Variants in NOS1AP observed in about 807,000 individuals in gnomAD.
NOS1AP encodes the protein carboxyl-terminal PDZ ligand of neuronal nitric oxide synthase protein.
Under a neutral mutation model 56.2 loss-of-function variants are expected in NOS1AP, and 21 were observed. The observed-to-expected ratio is 0.37, with a 90% CI of 0.26 to 0.54. NOS1AP has a LOEUF of 0.54. Among genes scored for constraint, NOS1AP ranks in the 20% least tolerant of loss-of-function variants. NOS1AP has a pLI of 0.84. For missense variants in NOS1AP, 522 were observed against 657.8 expected, an observed-to-expected ratio of 0.79 and a Z score of 2.26; for synonymous variants, 270 against 274.6, an observed-to-expected ratio of 0.98 and a Z score of 0.17.
At chr1:162,234,122 A>T (rs576916163) in intron 2 of NOS1AP, among the ~76,000 whole-genome samples, 2 of 152,260 alleles carry the variant, frequency 1.3e-5, no homozygotes, top group East Asian at 3.9e-4. Flanking sequence ...GGCCCAGGAG[A>T]TGGGCAGAGT....
At chr1:162,240,867 G>A (rs1051281133) in intron 2 of NOS1AP, among the ~76,000 whole-genome samples, 12 of 152,304 alleles carry the variant, frequency 7.9e-5, no homozygotes, top group Non-Finnish European at 8.8e-5. Context: ...GTCTGATGGC[G>A]GGATACAGAC....
intron 2 of NOS1AP, among the ~76,000 whole-genome samples, chr1:162,274,447 G>A (rs1654678930): frequency 6.6e-6 from 1 of 152,144 alleles, no homozygotes; most frequent in Admixed American, 6.5e-5. Flanking sequence ...ACCTGCATGT[G>A]GCAACCCTAA....
chr1:162,220,327 T>G (rs1349429923), intron 2 of NOS1AP, among the ~76,000 whole-genome samples: 2 of 152,040 alleles, frequency 1.3e-5, no homozygotes, highest in African/African-American at 4.8e-5. Context: ...TCTGGGTGGG[T>G]GTCTGCTGTG....
At chr1:162,100,160 G>C (rs1451035742) in intron 1 of NOS1AP, among the ~76,000 whole-genome samples, 1 of 152,156 alleles carries the variant, frequency 6.6e-6, no homozygotes, top group Non-Finnish European at 1.5e-5. Flanking sequence ...TAATGGGATG[G>C]CTGGGTCAAA....
At chr1:162,070,800 TA>T (rs968407564) in intron 1 of NOS1AP, among the ~76,000 whole-genome samples, 2 of 152,322 alleles carry the variant, frequency 1.3e-5, no homozygotes, top group Admixed American at 6.5e-5. Context: ...AGTCACTTCC[TA>T]AATGGCTAAT....
chr1:162,172,866 T>C (rs1329992163), intron 2 of NOS1AP, among the ~76,000 whole-genome samples: 1 of 152,182 alleles, frequency 6.6e-6, no homozygotes, highest in Non-Finnish European at 1.5e-5. Flanking sequence ...GCAGCAAACT[T>C]CTCTGCCTGC....
intron 2 of NOS1AP, among the ~76,000 whole-genome samples, chr1:162,261,524 GAGAGAGAGAGAGAGAGAGAGA>G (rs1654233171): frequency 3.9e-5 from 1 of 25,428 alleles, no homozygotes; most frequent in Non-Finnish European, 1.1e-4. Flanking sequence ...GAGAGAGAGA[GAGAGAGAGAGAGAGAGAGAGA>G]GCAATGAAAT....
At chr1:162,297,709 G>GA (rs904694955) in intron 3 of NOS1AP, among the ~76,000 whole-genome samples, 21 of 150,670 alleles carry the variant, frequency 1.4e-4, no homozygotes, top group African/African-American at 3.2e-4. Context: ...AGTTTAAAAA[G>GA]AAAAAAAAAC....
chr1:162,103,089 CTT>C (rs1390604845), intron 1 of NOS1AP, among the ~76,000 whole-genome samples: 6 of 152,142 alleles, frequency 3.9e-5, no homozygotes, highest in Non-Finnish European at 8.8e-5. Flanking sequence ...AAATTTCCCT[CTT>C]AACACTGTTT....
In NOS1AP at chr1:162,367,344, CGA is replaced by C. The variant is rs1557896583; in HGVS notation, c.1400_1401del (p.Glu467ValfsTer35). Reference protein sequence around the residue: ...FRESGIASEYESNTDESEERD... With the variant: ...FRESGIASEYXSNTDESEERD... ...GAGAGTCAGGCATCGCCTCGGAGTA[CGA>C]GTCCAACACGGACGAGAGCGAGGAG... On this transcript the variant is annotated frameshift_variant, in exon 10 of 10. Coordinates refer to ENST00000361897, the MANE Select transcript of NOS1AP (RefSeq NM_014697.3). LOFTEE classifies it high-confidence loss of function. The surrounding 1 kb of genome is among the most constrained non-coding windows in gnomAD (Gnocchi z 6.5). The C allele has an allele frequency of 3.1e-6, 5 of 1,612,976 alleles. No individual in the cohort carries two copies. Among genetic ancestry groups the C allele is most frequent in the Non-Finnish European group, 4.2e-6 (5 of 1,179,834 alleles).
At chr1:162,280,676 T>G (rs1654895690) in intron 2 of NOS1AP, among the ~76,000 whole-genome samples, 1 of 152,234 alleles carries the variant, frequency 6.6e-6, no homozygotes, top group Non-Finnish European at 1.5e-5. Context: ...GAATATTTCT[T>G]TAAAAAGTAG....
At chr1:162,216,552 C>A (rs1652574114) in intron 2 of NOS1AP, among the ~76,000 whole-genome samples, 1 of 152,188 alleles carries the variant, frequency 6.6e-6, no homozygotes, top group South Asian at 2.1e-4. Flanking sequence ...GTACTTTAGG[C>A]AAGTCGCTGA....
intron 1 of NOS1AP, among the ~76,000 whole-genome samples, chr1:162,150,630 T>C (rs1270573770): frequency 6.6e-6 from 1 of 152,222 alleles, no homozygotes; most frequent in Non-Finnish European, 1.5e-5. Flanking sequence ...CATTTATTAT[T>C]GCCTGTCTTT....
chr1:162,281,053 C>T (rs1654909994), intron 2 of NOS1AP, among the ~76,000 whole-genome samples: 1 of 152,214 alleles, frequency 6.6e-6, no homozygotes, highest in African/African-American at 2.4e-5. Context: ...CATCTCACGA[C>T]CATCCCCCCA....
At chr1:162,347,245 G>C (rs1657327542) in intron 6 of NOS1AP, among the ~76,000 whole-genome samples, 2 of 152,198 alleles carry the variant, frequency 1.3e-5, no homozygotes, top group African/African-American at 4.8e-5. Context: ...ATGCCCCGTT[G>C]GTGGCCTGAT....
chr1:162,319,390 G>A (rs1368270578), intron 4 of NOS1AP, among the ~76,000 whole-genome samples: 1 of 151,890 alleles, frequency 6.6e-6, no homozygotes, highest in Non-Finnish European at 1.5e-5. Flanking sequence ...TACCAGCCAT[G>A]TGATCCCCCT....
intron 2 of NOS1AP, among the ~76,000 whole-genome samples, chr1:162,177,906 G>A (rs548499665): frequency 7.9e-5 from 12 of 152,202 alleles, no homozygotes; most frequent in Admixed American, 2.6e-4. Flanking sequence ...TGCATTCTGT[G>A]GGTTTGGACG....
At chr1:162,251,869 G>GTTTTTTTTTTTTTTTTTTTT (rs57313228) in intron 2 of NOS1AP, among the ~76,000 whole-genome samples, 4 of 82,126 alleles carry the variant, frequency 4.9e-5, no homozygotes, top group Non-Finnish European at 6.5e-5. Context: ...TTTTTTTTTT[G>GTTTTTTTTTTTTTTTTTTTT]TTTTTTTTTT....
chr1:162,111,570 G>A (rs1647712219), intron 1 of NOS1AP, among the ~76,000 whole-genome samples: 1 of 152,170 alleles, frequency 6.6e-6, no homozygotes. Context: ...TTGAGACCTG[G>A]CTTGATGGCA....
Sources: allele counts gnomAD v4.1 joint callset (sites outside exome capture counted in the v4.1 genomes callset), GRCh38; gene constraint gnomAD v4.1.1; non-coding constraint Gnocchi (gnomAD v3.1); transcripts MANE v1.5; gene names NCBI Gene and HGNC (gene_info 2026-07-23, HGNC 2026-07-21).